Variants in MAGI2 observed in about 807,000 individuals in gnomAD.
MAGI2 encodes the protein membrane associated guanylate kinase, WW and PDZ domain containing 2.
Under a neutral mutation model 133.3 loss-of-function variants are expected in MAGI2, and 35 were observed. That is an observed-to-expected ratio of 0.26 (90% CI 0.20 to 0.35). The LOEUF (loss-of-function observed/expected upper bound fraction) is 0.35, where lower values mean the gene tolerates loss of function less well. Ranked by LOEUF, MAGI2 falls within the 10% of genes least tolerant of loss-of-function variation. The pLI is 1.00. For missense variants in MAGI2, 1,636 were observed against 1,863.4 expected (o/e 0.88, Z 2.25); for synonymous variants, 729 against 710.6 (o/e 1.03, Z -0.41).
At position 79,086,049 on chromosome 7, in the gene MAGI2, G is replaced by A. The variant is rs143952203; in HGVS notation, c.302-78843C>T. Among the ~76,000 whole-genome samples, 47 of 151,954 alleles carry A rather than the reference G, an allele frequency of 3.1e-4. No homozygotes were observed. In the East Asian group the frequency reaches 6.8e-3, roughly 22 times the overall value. On this transcript the variant is annotated intron_variant, in intron 1 of 21. Coordinates refer to ENST00000354212, the MANE Select transcript of MAGI2 (RefSeq NM_012301.4). ...CTCCCATTTATATATTGGAGTATTC[G>A]AAAACCTCCTACAAATATCACATTC...
chr7:79,181,301 C>A (rs1249367169), intron 1 of MAGI2, among the ~76,000 whole-genome samples: 1 of 151,970 alleles, frequency 6.6e-6, no homozygotes, highest in Middle Eastern at 3.2e-3. Context: ...CAAGCATTTC[C>A]ATACATCCTC....
intron 2 of MAGI2, among the ~76,000 whole-genome samples, chr7:78,938,738 A>G (rs1256197938): frequency 6.6e-6 from 1 of 152,180 alleles, no homozygotes; most frequent in East Asian, 1.9e-4. Flanking sequence ...ATTAAGACAT[A>G]TAATTTAGGC....
At chr7:79,024,881 G>T (rs575595497) in intron 1 of MAGI2, among the ~76,000 whole-genome samples, 37 of 152,074 alleles carry the variant, frequency 2.4e-4, no homozygotes, top group Middle Eastern at 6.8e-3. Flanking sequence ...GTGGAGAAAA[G>T]GGAACACTTA....
chr7:78,279,132 G>A (rs1025572929), intron 9 of MAGI2, among the ~76,000 whole-genome samples: 2 of 152,084 alleles, frequency 1.3e-5, no homozygotes, highest in African/African-American at 4.8e-5. Context: ...TTACTTACTT[G>A]GTACAGCACA....
At chr7:78,563,471 G>A (rs544983750) in intron 3 of MAGI2, among the ~76,000 whole-genome samples, 3 of 152,206 alleles carry the variant, frequency 2.0e-5, no homozygotes, top group South Asian at 2.1e-4. Context: ...CTAGGATTAC[G>A]AGTTTTTGGA....
chr7:78,875,198 T>G (rs560354005), intron 2 of MAGI2, among the ~76,000 whole-genome samples: 1 of 152,224 alleles, frequency 6.6e-6, no homozygotes, highest in East Asian at 1.9e-4. Context: ...AATAAAGAAA[T>G]CTATCCTCAA....
At chr7:78,470,536 A>C (rs567175084) in intron 6 of MAGI2, among the ~76,000 whole-genome samples, 2 of 152,154 alleles carry the variant, frequency 1.3e-5, no homozygotes, top group South Asian at 4.1e-4. Context: ...AATATAATTC[A>C]CCTTTTTCGT....
At chr7:78,082,127 A>G (rs1348212272) in intron 20 of MAGI2, among the ~76,000 whole-genome samples, 1 of 152,168 alleles carries the variant, frequency 6.6e-6, no homozygotes, top group Non-Finnish European at 1.5e-5. Context: ...AACCATGTGG[A>G]GGGCAAAAGG....
intron 3 of MAGI2, among the ~76,000 whole-genome samples, chr7:78,623,977 C>T (rs1808032628): frequency 3.9e-5 from 6 of 152,114 alleles, no homozygotes; most frequent in Admixed American, 3.9e-4. Flanking sequence ...AAAAGTACAG[C>T]AACCTCACTA....
chr7:78,729,037 G>C (rs961246524), intron 2 of MAGI2, among the ~76,000 whole-genome samples: 7 of 152,112 alleles, frequency 4.6e-5, no homozygotes, highest in African/African-American at 1.7e-4. Flanking sequence ...GTAATCATGT[G>C]GATATCAGCC....
At chr7:78,810,410 A>G (rs192540389) in intron 2 of MAGI2, among the ~76,000 whole-genome samples, 16 of 152,282 alleles carry the variant, frequency 1.1e-4, no homozygotes, top group Admixed American at 2.0e-4. Context: ...TCACTTGCCA[A>G]AGTATAATCT....
intron 6 of MAGI2, among the ~76,000 whole-genome samples, chr7:78,385,130 C>T (rs969435927): frequency 2.6e-5 from 4 of 152,138 alleles, no homozygotes; most frequent in Non-Finnish European, 5.9e-5. Context: ...CTTTATTCTA[C>T]CAAGCTCTGT....
At chr7:79,424,590 G>A (rs1847210845) in intron 1 of MAGI2, among the ~76,000 whole-genome samples, 1 of 151,998 alleles carries the variant, frequency 6.6e-6, no homozygotes, top group African/African-American at 2.4e-5. Flanking sequence ...ATCTATGTGA[G>A]GTAATGCATT....
In MAGI2 at chr7:78,019,952, G is replaced by A. The variant is rs1298237254; in HGVS notation, c.3731C>T (p.Pro1244Leu). The change falls in exon 22 of 22, where the codon CCC (proline) becomes CTC (leucine). Residue 1244 changes from proline to leucine, a missense_variant. Transcript: ENST00000354212. ...CGGCAGACCTGGGGCGGCGGCAGCGGGAGAACTCCAGGGGGCGGGTTCGTC... is the reference window on the plus strand; with the variant it reads ...CGGCAGACCTGGGGCGGCGGCAGCGAGAGAACTCCAGGGGGCGGGTTCGTC... The part of the protein sequence containing the change: ...EYDEPAPWSS[P>L]AAAAPGLPEV... 1 of 1,607,922 alleles carries A rather than the reference G, an allele frequency of 6.2e-7. No individual in the cohort carries two copies. Among genetic ancestry groups the A allele is most frequent in the South Asian group, 1.1e-5 (1 of 90,018 alleles).
At chr7:79,095,275 CTTGT>C (rs1196216641) in intron 1 of MAGI2, among the ~76,000 whole-genome samples, 1 of 152,204 alleles carries the variant, frequency 6.6e-6, no homozygotes, top group Non-Finnish European at 1.5e-5. Context: ...AGTGCGGTGG[CTTGT>C]TTGACAATCT....
intron 3 of MAGI2, among the ~76,000 whole-genome samples, chr7:78,523,890 T>C (rs115894483): frequency 0.02 from 3,012 of 152,016 alleles, 106 homozygotes; most frequent in African/African-American, 0.069. Context: ...TGAGAAAAAA[T>C]GGCAGAAACA....
At chr7:78,747,558 A>T (rs1727823910) in intron 2 of MAGI2, among the ~76,000 whole-genome samples, 1 of 152,180 alleles carries the variant, frequency 6.6e-6, no homozygotes, top group Non-Finnish European at 1.5e-5. Flanking sequence ...GTTAAGGGAT[A>T]TCTAATTTTG....
At chr7:78,338,553 C>G (rs771062488) in intron 9 of MAGI2, among the ~76,000 whole-genome samples, 9 of 152,172 alleles carry the variant, frequency 5.9e-5, no homozygotes, top group Admixed American at 1.3e-4. Flanking sequence ...CTCATTTTTG[C>G]ATCCCTAGTA....
At chr7:79,407,511 G>A (rs10272027) in intron 1 of MAGI2, among the ~76,000 whole-genome samples, 26,335 of 151,970 alleles carry the variant, frequency 0.17, 2,546 homozygotes, top group African/African-American at 0.25. Context: ...GAACTTGTTC[G>A]TTCTAACTGG....
Sources: allele counts gnomAD v4.1 joint callset (sites outside exome capture counted in the v4.1 genomes callset), GRCh38; gene constraint gnomAD v4.1.1; transcripts MANE v1.5; gene names NCBI Gene and HGNC (gene_info 2026-07-23, HGNC 2026-07-21).